Variants in VPS36 observed in about 807,000 individuals in gnomAD.
VPS36 encodes the protein vacuolar protein-sorting-associated protein 36.
In VPS36, 31 loss-of-function variants were observed where a neutral mutation model predicts 63.5. That is an observed-to-expected ratio of 0.49 (90% confidence interval 0.37 to 0.66). VPS36 has a LOEUF of 0.66. Ranked by LOEUF, VPS36 falls within the 30% of genes least tolerant of loss-of-function variation. The pLI, the probability that VPS36 is intolerant of heterozygous loss-of-function variation, is 0.00. For synonymous variants in VPS36, 138 were observed against 157.2 expected, an observed-to-expected ratio of 0.88 and a Z score of 0.91; for missense variants, 338 against 463.7, an observed-to-expected ratio of 0.73 and a Z score of 2.49.
rs185573531 is a variant in VPS36 at position 52,439,116 on chromosome 13, G to A, written c.218C>T (p.Ala73Val). Residue 73 changes from alanine (A) to valine (V), a missense_variant, in exon 3 of 14, where the codon GCG becomes GTG. Transcript: ENST00000378060. ...GACTTACCTCTTCCCAATTCCAGCC[G>A]CCTGTTCTTCAATGAACACAATTTG... Reference protein sequence around the residue: ...LSQIVFIEEQAAGIGKSAKIV... With the variant: ...LSQIVFIEEQVAGIGKSAKIV... 59 of 1,613,604 alleles carry A rather than the reference G, an allele frequency of 3.7e-5. No individual in the cohort carries two copies. In the East Asian group the frequency reaches 1.0e-3, roughly 29 times the overall value.
chr13:52,431,493 G>A (rs1485109512), intron 6 of VPS36, among the ~76,000 whole-genome samples: 2 of 152,016 alleles, frequency 1.3e-5, no homozygotes, highest in South Asian at 2.1e-4. Flanking sequence ...GTCTGGGCGC[G>A]GTGGCTCATG....
Position 52,415,431 on chromosome 13 carries a change from T to C in VPS36, c.*399A>G, listed in dbSNP as rs1389101680. 5.9e-6 allele frequency: 1 copy of C among 169,266 alleles called. No individual in the cohort carries two copies. The highest frequency in any genetic ancestry group is 2.4e-5 in the African/African-American group (1 of 41,624). The allele number at this position is 169,266 out of a possible 1,614,324, so 10.5% of individuals were successfully genotyped here. ...AGTATATTTTGTCCCAACATTGTCA[T>C]GTGCAATCAGTGAATTTCAGTTACA... On this transcript the variant is annotated 3_prime_UTR_variant, in exon 14 of 14. Transcript: ENST00000378060.
chr13:52,425,744 A>G, intron 9 of VPS36, 188 bp downstream of exon 9: 1 of 557,210 alleles, frequency 1.8e-6, no homozygotes, highest in Non-Finnish European at 2.8e-6. Context: ...ATGAAAATTA[A>G]AAACAACTTA....
At chr13:52,450,464 C>T in intron 1 of VPS36, 35 bp downstream of exon 1, 1 of 1,572,580 alleles carries the variant, frequency 6.4e-7, no homozygotes, top group Non-Finnish European at 8.6e-7. Context: ...GGGTCCCTTC[C>T]GCCAGCCCGT....
chr13:52,445,638 C>CAAAAAAAAAAAAAAAAAA (rs1260034533), intron 1 of VPS36, among the ~76,000 whole-genome samples: 1 of 36,776 alleles, frequency 2.7e-5, no homozygotes, highest in African/African-American at 1.1e-4. Context: ...GACTCCGTCT[C>CAAAAAAAAAAAAAAAAAA]AAAAAAAAAA....
chr13:52,450,032 G>T, intron 1 of VPS36: 1 of 987,110 alleles, frequency 1.0e-6, no homozygotes, highest in Non-Finnish European at 1.2e-6. Context: ...GCTGGGGCAC[G>T]GACTGTACGG....
rs913841674 is a variant in VPS36 at position 52,450,531 on chromosome 13, G to T, written c.64C>A (p.Arg22Ser). The change falls in exon 1 of 14, where the codon CGC becomes AGC. Residue 22 changes from arginine to serine, a missense_variant. Physicochemically the swap from Arg to Ser is moderately radical, Grantham distance 110 (BLOSUM62 -1). Transcript: ENST00000378060. ...TCGCCATCGTAGATTCGCACCCCGC[G>T]CTGCTGGATCACCAGGGTCTCGTTG... ...EINETLVIQQ[R>S]GVRIYDGEEK... 6.3e-7 allele frequency: 1 copy of T among 1,594,960 alleles called. No homozygotes were observed. The highest frequency in any genetic ancestry group is 1.4e-5 in the African/African-American group (1 of 72,740).
chr13:52,428,121 A>C (rs1392207964), intron 6 of VPS36, among the ~76,000 whole-genome samples: 1 of 152,218 alleles, frequency 6.6e-6, no homozygotes, highest in Non-Finnish European at 1.5e-5. Flanking sequence ...AAAGAAAAAC[A>C]TTCAAATACC....
At position 52,417,138 on chromosome 13, in the gene VPS36, G is replaced by A. The variant is rs1958001754; in HGVS notation, c.909C>T (p.Leu303=). 1.2e-6 allele frequency: 2 copies of A among 1,613,946 alleles called. No homozygotes were observed. The highest frequency in any genetic ancestry group is 1.7e-6 in the Non-Finnish European group (2 of 1,180,002). The part of the protein sequence containing the change: ...MLEALKLPLR[L]RVFDSGVMVI... ...CCATGACGCCACTGTCAAACACACGGAGCCTGAAAACCACAGGTGCGAGAA... is the reference window on the plus strand; with the variant it reads ...CCATGACGCCACTGTCAAACACACGAAGCCTGAAAACCACAGGTGCGAGAA... The change falls in exon 12 of 14, where the codon CTC becomes CTT. Residue 303 remains leucine, a synonymous_variant. Transcript: ENST00000378060.
chr13:52,446,610 C>CT (rs573573476), intron 1 of VPS36, among the ~76,000 whole-genome samples: 9 of 147,870 alleles, frequency 6.1e-5, no homozygotes, highest in East Asian at 3.9e-4. Flanking sequence ...TCTTAACCTG[C>CT]TTTTTTTTTT....
At chr13:52,420,330 T>C (rs1045629887) in intron 10 of VPS36, among the ~76,000 whole-genome samples, 1 of 152,000 alleles carries the variant, frequency 6.6e-6, no homozygotes, top group African/African-American at 2.4e-5. Flanking sequence ...TATTTCTTTT[T>C]TTTAAATTTA....
chr13:52,433,424 C>T lies in VPS36; in HGVS notation c.528+238G>A, dbSNP rs116377494. Among the ~76,000 whole-genome samples, 1,125 of 152,316 alleles carry T rather than the reference C, an allele frequency of 7.4e-3. 6 individuals are homozygous for T. Among genetic ancestry groups the T allele is most frequent in the African/African-American group, 0.017 (701 of 41,568 alleles). ...TCTAGACTGTAAAATCTACACACAA[C>T]ATTTTATGATGTTTTCTAACAGCAA... On this transcript the variant is annotated intron_variant, in intron 6 of 13. Transcript: ENST00000378060.
intron 3 of VPS36, among the ~76,000 whole-genome samples, 171 bp downstream of exon 3, chr13:52,438,927 C>T (rs1263066025): frequency 6.6e-6 from 1 of 152,196 alleles, no homozygotes; most frequent in Non-Finnish European, 1.5e-5. Context: ...AACTGGGCCA[C>T]ATTTCTTTAT....
At chr13:52,443,194 GA>G (rs1162462934) in intron 1 of VPS36, among the ~76,000 whole-genome samples, 1 of 151,686 alleles carries the variant, frequency 6.6e-6, no homozygotes, top group African/African-American at 2.4e-5. Context: ...AGTAAAAAAC[GA>G]AAAAAATTAT....
intron 1 of VPS36, chr13:52,450,020 C>G (rs1424422342): frequency 2.0e-6 from 2 of 986,314 alleles, no homozygotes; most frequent in African/African-American, 3.5e-5. Context: ...GCTAAAGCTT[C>G]CGCTGGGGCA....
rs568175027 is a variant in VPS36, at chr13:52,450,504, C to G, written c.91G>C (p.Glu31Gln). 3 of 1,592,506 alleles carry G rather than the reference C, an allele frequency of 1.9e-6. No homozygotes were observed. Among genetic ancestry groups the G allele is most frequent in the South Asian group, 2.2e-5 (2 of 88,894 alleles). ...AAGGTTGGCAGACGCCCTACCTTCTCCTCGCCATCGTAGATTCGCACCCCG... is the reference window on the plus strand; with the variant it reads ...AAGGTTGGCAGACGCCCTACCTTCTGCTCGCCATCGTAGATTCGCACCCCG... ...QRGVRIYDGE[E>Q]KIKFDAGTLL... The change falls in exon 1 of 14, where the codon GAG (glutamate) becomes CAG (glutamine). Residue 31 changes from glutamate to glutamine, a missense_variant. By Grantham distance (29) the Glu-to-Gln change is conservative (BLOSUM62 2). Coordinates refer to ENST00000378060, the MANE Select transcript of VPS36 (RefSeq NM_016075.4).
intron 10 of VPS36, among the ~76,000 whole-genome samples, chr13:52,419,741 A>G (rs1026473628): frequency 6.6e-6 from 1 of 152,222 alleles, no homozygotes; most frequent in African/African-American, 2.4e-5. Context: ...CATTTGCAAC[A>G]ACATGGATAG....
chr13:52,434,969 T>C (rs1289982803), intron 4 of VPS36, 87 bp from the exon 5 acceptor site: 4 of 1,280,756 alleles, frequency 3.1e-6, no homozygotes, highest in Admixed American at 2.4e-5. Flanking sequence ...CTTTCTTTTT[T>C]TCTTTTTTTT....
intron 6 of VPS36, among the ~76,000 whole-genome samples, chr13:52,431,511 T>G (rs1958155541): frequency 1.3e-5 from 2 of 152,008 alleles, no homozygotes; most frequent in Non-Finnish European, 2.9e-5. Context: ...ATGCCTGTAA[T>G]CCTAGCACTT....
Sources: allele counts gnomAD v4.1 joint callset (sites outside exome capture counted in the v4.1 genomes callset), GRCh38; gene constraint gnomAD v4.1.1; transcripts MANE v1.5; gene names NCBI Gene and HGNC (gene_info 2026-07-23, HGNC 2026-07-21).